Variants in HPSE2 observed in about 807,000 individuals in gnomAD.
HPSE2 encodes the protein heparanase 2 (inactive), also known as inactive heparanase-2.
A neutral mutation model predicts 60.5 loss-of-function variants in HPSE2; 38 were observed. The observed-to-expected ratio is 0.63, with a 90% CI of 0.48 to 0.82. HPSE2 has a LOEUF of 0.82. HPSE2 is among the 40% of genes least tolerant of loss of function. The pLI, the probability that HPSE2 is intolerant of heterozygous loss-of-function variation, is 0.00. For missense variants in HPSE2, 713 were observed against 740.4 expected (o/e 0.96, Z 0.43); for synonymous variants, 295 against 293.2 (o/e 1.01, Z -0.06).
intron 6 of HPSE2, among the ~76,000 whole-genome samples, chr10:98,664,196 G>T (rs927926036): frequency 6.6e-6 from 1 of 152,018 alleles, no homozygotes; most frequent in East Asian, 1.9e-4. Flanking sequence ...CAGTACAGTG[G>T]CTGGGACCCT....
chr10:98,940,289 C>A (rs1410216686), intron 3 of HPSE2, among the ~76,000 whole-genome samples: 1 of 143,448 alleles, frequency 7.0e-6, no homozygotes, highest in Non-Finnish European at 1.5e-5. Context: ...TTAATGAATC[C>A]AGGAGCTGGT....
intron 3 of HPSE2, among the ~76,000 whole-genome samples, chr10:99,079,299 C>G (rs1564789841): frequency 6.6e-6 from 1 of 152,066 alleles, no homozygotes; most frequent in East Asian, 1.9e-4. Context: ...GTATATTCAT[C>G]TGCTTGCTCT....
intron 9 of HPSE2, among the ~76,000 whole-genome samples, chr10:98,510,111 G>A (rs1942339408): frequency 6.6e-6 from 1 of 152,134 alleles, no homozygotes; most frequent in South Asian, 2.1e-4. Context: ...CTTAAATTTA[G>A]TTCTGAAGTT....
chr10:98,745,587 G>A (rs1949610297), intron 3 of HPSE2, among the ~76,000 whole-genome samples: 1 of 152,090 alleles, frequency 6.6e-6, no homozygotes, highest in Admixed American at 6.5e-5. Flanking sequence ...CAGTTTATTT[G>A]TTAGAGAACT....
At chr10:98,717,313 T>G (rs143408431) in intron 5 of HPSE2, among the ~76,000 whole-genome samples, 132 of 152,258 alleles carry the variant, frequency 8.7e-4, no homozygotes, top group Middle Eastern at 6.8e-3. Context: ...TTTCACTTTC[T>G]TATCATTCTT....
intron 3 of HPSE2, among the ~76,000 whole-genome samples, chr10:99,088,204 T>TTTA (rs1564796548): frequency 6.6e-6 from 1 of 151,582 alleles, no homozygotes; most frequent in Non-Finnish European, 1.5e-5. Context: ...CCCTCAATAC[T>TTTA]TTATTTATTT....
chr10:98,914,794 G>GT (rs1954072636), intron 3 of HPSE2, among the ~76,000 whole-genome samples: 1 of 151,542 alleles, frequency 6.6e-6, no homozygotes, highest in Non-Finnish European at 1.5e-5. Context: ...TAAGATACCT[G>GT]TCCTCTAATA....
chr10:98,660,368 G>A, intron 6 of HPSE2, among the ~76,000 whole-genome samples: 1 of 152,162 alleles, frequency 6.6e-6, no homozygotes, highest in East Asian at 1.9e-4. Flanking sequence ...TGATCATAAA[G>A]GTCTTCTCAC....
chr10:98,547,319 G>A (rs1465270266), intron 9 of HPSE2, among the ~76,000 whole-genome samples: 7 of 143,686 alleles, frequency 4.9e-5, no homozygotes, highest in Non-Finnish European at 9.1e-5. Context: ...ATACCCAAAG[G>A]ACTATAAATC....
intron 3 of HPSE2, among the ~76,000 whole-genome samples, chr10:98,914,685 A>G (rs1954069325): frequency 1.3e-5 from 2 of 150,454 alleles, no homozygotes; most frequent in South Asian, 4.3e-4. Context: ...TACAATTCTT[A>G]TATGTCAATT....
chr10:99,018,623 T>C (rs1345659330), intron 3 of HPSE2, among the ~76,000 whole-genome samples: 1 of 152,204 alleles, frequency 6.6e-6, no homozygotes, highest in Non-Finnish European at 1.5e-5. Context: ...TTAAAAGATG[T>C]ACAGGTGCCA....
chr10:98,811,327 A>G (rs1236712790), intron 3 of HPSE2, among the ~76,000 whole-genome samples: 2 of 152,080 alleles, frequency 1.3e-5, no homozygotes, highest in Non-Finnish European at 2.9e-5. Flanking sequence ...TTTAATACCT[A>G]TTTGCTACTG....
chr10:98,955,849 T>C (rs940695679), intron 3 of HPSE2, among the ~76,000 whole-genome samples: 12 of 152,124 alleles, frequency 7.9e-5, no homozygotes, highest in Non-Finnish European at 1.6e-4. Context: ...AGCACACTGA[T>C]GCAGGAACAG....
At chr10:99,178,160 A>G (rs1847606967) in intron 2 of HPSE2, among the ~76,000 whole-genome samples, 1 of 151,898 alleles carries the variant, frequency 6.6e-6, no homozygotes, top group Non-Finnish European at 1.5e-5. Flanking sequence ...CCCACAGGAG[A>G]AAGTGGGAAA....
intron 10 of HPSE2, among the ~76,000 whole-genome samples, chr10:98,487,441 T>C (rs1384734434): frequency 1.3e-5 from 2 of 152,226 alleles, no homozygotes; most frequent in African/African-American, 2.4e-5. Context: ...CTGTGTTGAA[T>C]AGGCACTCGG....
At chr10:98,945,713 T>C (rs1309082170) in intron 3 of HPSE2, among the ~76,000 whole-genome samples, 1 of 152,180 alleles carries the variant, frequency 6.6e-6, no homozygotes, top group African/African-American at 2.4e-5. Context: ...TTCTGGGTAA[T>C]TACTTTCTTT....
At chr10:98,655,004 C>T (rs1947020138) in intron 6 of HPSE2, among the ~76,000 whole-genome samples, 1 of 152,176 alleles carries the variant, frequency 6.6e-6, no homozygotes, top group South Asian at 2.1e-4. Context: ...GTTGTATTCA[C>T]TGTTACTGTG....
the HPSE2 span, among the ~76,000 whole-genome samples, chr10:99,287,094 C>T: frequency 1.3e-5 from 2 of 152,188 alleles, no homozygotes; most frequent in Non-Finnish European, 2.9e-5. Context: ...ACAGAACCTT[C>T]CCTAGAGCAG....
At chr10:98,773,736 T>C (rs1950286651) in intron 3 of HPSE2, among the ~76,000 whole-genome samples, 1 of 152,150 alleles carries the variant, frequency 6.6e-6, no homozygotes, top group South Asian at 2.1e-4. Context: ...AATAAATCTA[T>C]ACGATGAAAT....
Sources: gnomAD v4.1 joint callset for allele counts (sites outside exome capture counted in the v4.1 genomes callset) on GRCh38, gnomAD v4.1.1 for gene constraint, MANE v1.5 for transcripts, NCBI Gene and HGNC (gene_info 2026-07-23, HGNC 2026-07-21) for gene names.